SLC1A7: variants seen among roughly 807,000 people sequenced by gnomAD.
SLC1A7 encodes the protein excitatory amino acid transporter 5.
SLC1A7 carries 40 observed loss-of-function variants against 47.7 expected under a neutral mutation model. The ratio of observed to expected loss-of-function variants is 0.84; its 90% CI spans 0.65 to 1.09. SLC1A7 has a LOEUF of 1.09. SLC1A7 is among the 50% of genes least tolerant of loss of function. SLC1A7 has a pLI of 0.00. For synonymous variants in SLC1A7, 323 were observed against 325.6 expected (o/e 0.99, Z 0.09); for missense variants, 746 against 769.5 (o/e 0.97, Z 0.36).
At chr1:53,111,432 A>G (rs1045699590) in intron 3 of SLC1A7, among the ~76,000 whole-genome samples, 25 of 152,184 alleles carry the variant, frequency 1.6e-4, no homozygotes, top group Non-Finnish European at 4.4e-5. Context: ...GGTTTTGAAA[A>G]GGATGCCTCT....
chr1:53,096,524 A>G (rs1027286052), intron 5 of SLC1A7, among the ~76,000 whole-genome samples: 17 of 144,516 alleles, frequency 1.2e-4, no homozygotes, highest in Non-Finnish European at 2.1e-4. Context: ...ACGCACATAA[A>G]CCCCAGCTCA....
chr1:53,136,577 A>AATATATATAAACATATATT (rs1553165477), intron 1 of SLC1A7, among the ~76,000 whole-genome samples: 2 of 137,316 alleles, frequency 1.5e-5, no homozygotes, highest in East Asian at 2.0e-4. Flanking sequence ...AAACATATAT[A>AATATATATAAACATATATT]ATATATAAAC....
rs74711396 is a variant in SLC1A7 at position 53,098,233 on chromosome 1, C to T, written c.698-4673G>A. On this transcript the variant is annotated intron_variant, in intron 5 of 10. Coordinates refer to ENST00000371494, the MANE Select transcript of SLC1A7 (RefSeq NM_006671.6). ...CCCACCTTGGTACACTCACATGCCC[C>T]GCCTCAGTATACTCACCCTGCCTCG... 3.3e-3 allele frequency among the ~76,000 whole-genome samples: 491 copies of T among 148,700 alleles called. 3 individuals are homozygous for T. Among genetic ancestry groups the T allele is most frequent in the African/African-American group, 0.012 (464 of 40,224 alleles).
Position 53,093,472 on chromosome 1 carries a change from C to T in SLC1A7, c.786G>A (p.Ala262=), listed in dbSNP as rs774767055. The change falls in exon 6 of 11, where the codon GCG becomes GCA. Residue 262 remains alanine, a synonymous_variant. Transcript: ENST00000371494. The stretch of plus-strand genomic sequence containing the variant: ...ATGAGGAGGCTTACCACACAGCCAC[C>T]GCCACGATCTTCATGACCGACTCAT... The part of the protein sequence containing the change: ...CLNESVMKIV[A]VAVWYFPFGI... 8.7e-6 allele frequency: 14 copies of T among 1,609,990 alleles called. No homozygotes were observed. Among genetic ancestry groups the T allele is most frequent in the Middle Eastern group, 1.7e-4 (1 of 6,060 alleles).
chr1:53,103,222 A>C (rs1220888180), intron 5 of SLC1A7, 124 bp downstream of exon 5: 9 of 709,922 alleles, frequency 1.3e-5, no homozygotes. Context: ...GAATATTTCC[A>C]GTTTTTCACA....
At chr1:53,135,008 C>T (rs1644977077) in intron 1 of SLC1A7, among the ~76,000 whole-genome samples, 1 of 151,986 alleles carries the variant, frequency 6.6e-6, no homozygotes, top group South Asian at 2.1e-4. Flanking sequence ...AGCGAAATGG[C>T]GGATAAGGGG....
chr1:53,094,348 T>G (rs1215218493), intron 5 of SLC1A7, among the ~76,000 whole-genome samples: 1 of 152,122 alleles, frequency 6.6e-6, no homozygotes, highest in Non-Finnish European at 1.5e-5. Flanking sequence ...TGGGAACGGC[T>G]CCGTGGGGTG....
intron 2 of SLC1A7, among the ~76,000 whole-genome samples, chr1:53,121,930 G>T (rs571499967): frequency 1.3e-5 from 2 of 152,238 alleles, no homozygotes; most frequent in East Asian, 3.9e-4. Flanking sequence ...TTGAGAAAGG[G>T]ACGGGGCGGG....
chr1:53,129,729 G>A lies in SLC1A7; in HGVS notation c.215+4621C>T, dbSNP rs979993656. On this transcript the variant is annotated intron_variant, in intron 2 of 10. Transcript: ENST00000371494. The stretch of plus-strand genomic sequence containing the variant: ...AGCCCAGGGGCCTTTCAGCCCTCAC[G>A]TCCACCCTTGCAGTCACCCACACTT... Among the ~76,000 whole-genome samples the A allele has an allele frequency of 3.5e-5, 5 of 141,038 alleles. 2 individuals are homozygous for A. Among genetic ancestry groups the A allele is most frequent in the East Asian group, 2.1e-4 (1 of 4,710 alleles). 92.5% of individuals were successfully genotyped at this position (141,038 alleles called of 152,430 possible). A position where few individuals can be genotyped will look rare whatever the true frequency, so the allele number is the denominator to read the frequency against.
intron 3 of SLC1A7, 104 bp from the exon 4 acceptor site, chr1:53,105,878 C>T: frequency 1.1e-6 from 1 of 882,764 alleles, no homozygotes; most frequent in Non-Finnish European, 1.9e-6. Flanking sequence ...GTGGTCGGGC[C>T]TTCCTCAGGC....
intron 3 of SLC1A7, among the ~76,000 whole-genome samples, chr1:53,113,641 C>G (rs972200676): frequency 1.3e-5 from 2 of 152,140 alleles, no homozygotes; most frequent in Non-Finnish European, 2.9e-5. Context: ...CCTTCCCCTC[C>G]TACCTCCCCT....
Position 53,103,522 on chromosome 1 carries a change from G to C in SLC1A7, c.521C>G (p.Pro174Arg), listed in dbSNP as rs775800037. 1.9e-6 allele frequency: 3 copies of C among 1,611,530 alleles called. No homozygotes were observed. Among genetic ancestry groups the C allele is most frequent in the Non-Finnish European group, 1.7e-6 (2 of 1,178,642 alleles). ...TPVVKSPKVA[P>R]EEAPPRRILI... is the part of the protein sequence containing the mutation. ...GATCCGCCGAGGAGGGGCCTCCTCT[G>C]GTGCCACCTTGGGGGACTTGACAAC... is the stretch of plus-strand genomic sequence containing the variant. Residue 174 changes from proline (P) to arginine (R), a missense_variant, in exon 5 of 11, where the codon CCA becomes CGA. Coordinates refer to ENST00000371494, the MANE Select transcript of SLC1A7 (RefSeq NM_006671.6).
rs114867802 is a variant in SLC1A7, at chr1:53,126,172, C to T, written c.215+8178G>A. Among the ~76,000 whole-genome samples, 711 of 152,226 alleles carry T rather than the reference C, an allele frequency of 4.7e-3. 6 individuals carry two copies. Among genetic ancestry groups the T allele is most frequent in the African/African-American group, 0.016 (684 of 41,544 alleles). Reference sequence around the variant, plus strand: ...ACTCAGAGGCCGTGATCTAAAACACCCACCCCTCTGCAGGCCCTAGAAACT... The same window carrying T: ...ACTCAGAGGCCGTGATCTAAAACACTCACCCCTCTGCAGGCCCTAGAAACT... On this transcript the variant is annotated intron_variant, in intron 2 of 10. Coordinates refer to ENST00000371494, the MANE Select transcript of SLC1A7 (RefSeq NM_006671.6).
At chr1:53,128,829 G>T (rs1193138576) in intron 2 of SLC1A7, among the ~76,000 whole-genome samples, 1 of 142,340 alleles carries the variant, frequency 7.0e-6, no homozygotes, top group African/African-American at 2.6e-5. Context: ...CCACGGGCTG[G>T]GGGAGCATTC....
intron 1 of SLC1A7, among the ~76,000 whole-genome samples, chr1:53,136,682 T>TGAGACAAG (rs1296328894): frequency 7.2e-6 from 1 of 139,424 alleles, no homozygotes; most frequent in African/African-American, 2.6e-5. Context: ...TTTTTTTTTT[T>TGAGACAAG]TTGAGACAAG....
intron 5 of SLC1A7, among the ~76,000 whole-genome samples, chr1:53,098,010 A>T (rs1026350496): frequency 6.7e-6 from 1 of 149,876 alleles, no homozygotes; most frequent in South Asian, 2.1e-4. Flanking sequence ...CGGTACACTC[A>T]CAAACCCTGC....
chr1:53,122,475 A>T (rs1040357641), intron 2 of SLC1A7, among the ~76,000 whole-genome samples: 7 of 152,176 alleles, frequency 4.6e-5, no homozygotes, highest in African/African-American at 1.7e-4. Flanking sequence ...CCATCTGAGC[A>T]TCATGGCTTA....
Position 53,104,378 on chromosome 1 carries a change from C to A in SLC1A7, c.475-810G>T, listed in dbSNP as rs891807044. ...TCATCATCACGTTGAACACTCTGTG[C>A]TGGTTGCTGGAGATACACAAATGAA... On this transcript the variant is annotated intron_variant, in intron 4 of 10. Coordinates refer to ENST00000371494, the MANE Select transcript of SLC1A7 (RefSeq NM_006671.6). Among the ~76,000 whole-genome samples the A allele has an allele frequency of 2.6e-5, 4 of 152,202 alleles. No individual in the cohort carries two copies. In the East Asian group the frequency reaches 7.7e-4, roughly 29 times the overall value.
intron 1 of SLC1A7, among the ~76,000 whole-genome samples, chr1:53,135,015 G>C (rs1213759896): frequency 6.6e-6 from 1 of 152,028 alleles, no homozygotes; most frequent in African/African-American, 2.4e-5. Context: ...TGGCGGATAA[G>C]GGGGGACTGC....
Sources: allele counts gnomAD v4.1 joint callset (sites outside exome capture counted in the v4.1 genomes callset), GRCh38; gene constraint gnomAD v4.1.1; transcripts MANE v1.5; gene names NCBI Gene and HGNC (gene_info 2026-07-23, HGNC 2026-07-21).